REEP1: variants seen among roughly 807,000 people sequenced by gnomAD.
The protein encoded by REEP1 is receptor accessory protein 1.
Under a neutral mutation model 40.3 loss-of-function variants are expected in REEP1, and 22 were observed. The observed-to-expected ratio is 0.55, with a 90% CI of 0.39 to 0.78. The LOEUF (loss-of-function observed/expected upper bound fraction) is 0.78, where lower values mean the gene tolerates loss of function less well. Ranked by LOEUF, REEP1 falls within the 30% of genes least tolerant of loss-of-function variation. REEP1 has a pLI of 0.00. For missense variants in REEP1, 280 were observed against 361.1 expected, an observed-to-expected ratio of 0.78 and a Z score of 1.82; for synonymous variants, 116 against 139.2, an observed-to-expected ratio of 0.83 and a Z score of 1.17.
intron 2 of REEP1, among the ~76,000 whole-genome samples, chr2:86,279,250 C>T (rs747268116): frequency 2.0e-5 from 3 of 152,152 alleles, no homozygotes; most frequent in African/African-American, 4.8e-5. Flanking sequence ...GAGATTACAG[C>T]GCTGAAGACG....
chr2:86,247,060 AT>A (rs535056045), intron 5 of REEP1, among the ~76,000 whole-genome samples: 2,473 of 147,654 alleles, frequency 0.017, 39 homozygotes, highest in South Asian at 0.057. Flanking sequence ...CTAGAGCATT[AT>A]TTTTTTTTTT....
rs1674336523 is a variant in REEP1 at position 86,220,094 on chromosome 2, C to T, written c.659G>A (p.Gly220Asp). 3.2e-6 allele frequency: 4 copies of T among 1,232,158 alleles called. No homozygotes were observed. The highest frequency in any genetic ancestry group is 4.0e-6 in the Non-Finnish European group (4 of 987,970). 76.3% of individuals were successfully genotyped at this position (1,232,158 alleles called of 1,614,324 possible). Residue 220 changes from glycine (G) to aspartate (D), a missense_variant, in exon 8 of 9, where the codon GGT becomes GAT. Physicochemically the swap from Gly to Asp is moderately conservative, Grantham distance 94. Transcript: ENST00000538924. The part of the protein sequence containing the change: ...KVVEGDVNEG[G>D]MKAWEPHQVQ... ...CTGGTGGGGCTCCCATGCCTTCATA[C>T]CACCCTCATTCACATCTCCCTCAAC...
At chr2:86,314,604 A>C (rs1414267730) in intron 1 of REEP1, among the ~76,000 whole-genome samples, 2 of 151,708 alleles carry the variant, frequency 1.3e-5, no homozygotes, top group Non-Finnish European at 2.9e-5. Context: ...TAGAAGCCAC[A>C]GGAACGGACC....
chr2:86,288,032 A>ATTATTATTTTTTTTTTTTTTTTT (rs1558916454), intron 1 of REEP1, among the ~76,000 whole-genome samples: 130 of 149,804 alleles, frequency 8.7e-4, no homozygotes, highest in African/African-American at 3.2e-3. Context: ...TATTTTTATT[A>ATTATTATTTTTTTTTTTTTTTTT]TTTTTTTGAG....
chr2:86,235,944 C>T (rs540478000), intron 5 of REEP1, among the ~76,000 whole-genome samples: 4 of 152,322 alleles, frequency 2.6e-5, no homozygotes, highest in South Asian at 2.1e-4. Flanking sequence ...TGACCGGGCG[C>T]GGTGGTTCAC....
intron 5 of REEP1, among the ~76,000 whole-genome samples, chr2:86,241,293 C>T (rs1041958104): frequency 2.0e-5 from 3 of 152,236 alleles, no homozygotes; most frequent in Non-Finnish European, 4.4e-5. Context: ...TCTGCCCAGC[C>T]GCTGGTGCAA....
rs184909904 is a variant in REEP1, at chr2:86,275,892, C to T, written c.105+6278G>A. Among the ~76,000 whole-genome samples the T allele has an allele frequency of 5.3e-5, 8 of 152,332 alleles. No individual in the cohort carries two copies. The East Asian group carries it at 1.4e-3, about 26-fold the overall frequency. ...GATGAGGTTCTTGGAAGAAGTGAGG[C>T]TGAGAGACTCCTGTTGAGGTGGTCT... is the stretch of plus-strand genomic sequence containing the variant. On this transcript the variant is annotated intron_variant, in intron 2 of 8. Coordinates refer to ENST00000538924, the MANE Select transcript of REEP1 (RefSeq NM_001371279.1).
At chr2:86,257,000 C>G (rs36104799) in intron 3 of REEP1, among the ~76,000 whole-genome samples, 63,620 of 152,052 alleles carry the variant, frequency 0.42, 14,788 homozygotes, top group East Asian at 0.65. Context: ...CCAAGGTCTC[C>G]TGGCCCCCTG....
chr2:86,304,183 C>T (rs962115956), intron 1 of REEP1, among the ~76,000 whole-genome samples: 2 of 152,042 alleles, frequency 1.3e-5, no homozygotes, highest in African/African-American at 4.8e-5. Context: ...CACAGGTGCT[C>T]TTATGGTCTC....
At chr2:86,314,103 A>AT in intron 1 of REEP1, among the ~76,000 whole-genome samples, 1 of 152,204 alleles carries the variant, frequency 6.6e-6, no homozygotes, top group East Asian at 1.9e-4. Flanking sequence ...AGTGACTGGA[A>AT]TGATCTATCT....
In REEP1 at chr2:86,300,024, G is replaced by C. The variant is rs114454829; in HGVS notation, c.33-17782C>G. On this transcript the variant is annotated intron_variant, in intron 1 of 8. Coordinates refer to ENST00000538924, the MANE Select transcript of REEP1 (RefSeq NM_001371279.1). Reference sequence around the variant, plus strand: ...CCCAGGGCCAGACTGACATGGCCAGGGGGGACCATGAGAGCCATCTTGTCC... The same window carrying C: ...CCCAGGGCCAGACTGACATGGCCAGCGGGGACCATGAGAGCCATCTTGTCC... Among the ~76,000 whole-genome samples the C allele has an allele frequency of 9.9e-3, 1,513 of 152,208 alleles. 37 individuals carry two copies. The highest frequency in any genetic ancestry group is 0.034 in the African/African-American group (1,409 of 41,522).
intron 7 of REEP1, among the ~76,000 whole-genome samples, 160 bp downstream of exon 7, chr2:86,227,203 G>T (rs1674754249): frequency 6.6e-6 from 1 of 152,226 alleles, no homozygotes; most frequent in Admixed American, 6.5e-5. Flanking sequence ...CACAGGAACT[G>T]TAAGCTACTG....
At chr2:86,270,864 A>C (rs1174084312) in intron 2 of REEP1, among the ~76,000 whole-genome samples, 4 of 152,136 alleles carry the variant, frequency 2.6e-5, no homozygotes, top group Admixed American at 6.5e-5. Context: ...ACAAAAAAAA[A>C]CACTTGAAGA....
At chr2:86,279,649 G>A (rs1437192803) in intron 2 of REEP1, among the ~76,000 whole-genome samples, 2 of 152,196 alleles carry the variant, frequency 1.3e-5, no homozygotes, top group Non-Finnish European at 2.9e-5. Context: ...CTTTCCCAGT[G>A]AGCCTGAGGG....
intron 1 of REEP1, among the ~76,000 whole-genome samples, chr2:86,308,455 T>C (rs2104477118): frequency 6.6e-6 from 1 of 152,280 alleles, no homozygotes; most frequent in Non-Finnish European, 1.5e-5. Flanking sequence ...TTCAGGAGGC[T>C]GAGGTGGGAC....
At position 86,267,021 on chromosome 2, in the gene REEP1, A is replaced by C. The variant is rs1229791802; in HGVS notation, c.106-2980T>G. On this transcript the variant is annotated intron_variant, in intron 2 of 8. Transcript: ENST00000538924. ...GACTCTGTCTCAGGGGAAAAAAAAA[A>C]CAAAAAAAAACAACCAAACTAAAAA... Among the ~76,000 whole-genome samples the C allele has an allele frequency of 2.7e-5, 4 of 149,738 alleles. No homozygotes were observed. The East Asian group carries it at 5.9e-4, about 22-fold the overall frequency.
chr2:86,250,922 G>A (rs572109064), intron 5 of REEP1, among the ~76,000 whole-genome samples: 7 of 152,096 alleles, frequency 4.6e-5, no homozygotes, highest in South Asian at 2.1e-4. Flanking sequence ...CCTGCCATCC[G>A]CACAATGTTC....
At chr2:86,326,742 A>AAGTTTTAGGGTTGGAC (rs1221674423) in intron 1 of REEP1, among the ~76,000 whole-genome samples, 21 of 152,164 alleles carry the variant, frequency 1.4e-4, no homozygotes, top group Non-Finnish European at 2.6e-4. Flanking sequence ...AAAAATCATA[A>AAGTTTTAGGGTTGGAC]AGTTTTAGGG....
At chr2:86,228,701 A>G (rs1019930274) in intron 6 of REEP1, among the ~76,000 whole-genome samples, 2 of 151,660 alleles carry the variant, frequency 1.3e-5, no homozygotes, top group Admixed American at 1.3e-4. Context: ...CAGGTGATCC[A>G]CCCGCCTTGG....
Sources: gnomAD v4.1 joint callset for allele counts (sites outside exome capture counted in the v4.1 genomes callset) on GRCh38, gnomAD v4.1.1 for gene constraint, MANE v1.5 for transcripts, NCBI Gene and HGNC (gene_info 2026-07-23, HGNC 2026-07-21) for gene names.